The following SPICE1 variants were observed in gnomAD, a reference collection of about 807,000 sequenced individuals.
SPICE1 encodes spindle and centriole-associated protein 1.
Under a neutral mutation model 102.7 loss-of-function variants are expected in SPICE1, and 75 were observed. The ratio of observed to expected loss-of-function variants is 0.73; its 90% CI spans 0.61 to 0.88. The LOEUF is 0.88. Ranked by LOEUF, SPICE1 falls within the 40% of genes least tolerant of loss-of-function variation. SPICE1 has a pLI of 0.00. For missense variants in SPICE1, 979 were observed against 1,020.1 expected (o/e 0.96, Z 0.55); for synonymous variants, 308 against 350.3 (o/e 0.88, Z 1.35).
In SPICE1 at chr3:113,514,964, G is replaced by T; in HGVS notation, c.-68C>A. The stretch of plus-strand genomic sequence containing the variant: ...TAAGGATTCCCCAACCGGGCGCCTG[G>T]ATCCCAGGCAACAGACAGATGCCAC... On this transcript the variant is annotated 5_prime_UTR_variant, in exon 1 of 18. Coordinates refer to ENST00000295872, the MANE Select transcript of SPICE1 (RefSeq NM_144718.4). 2.6e-6 allele frequency: 2 copies of T among 777,898 alleles called. No homozygotes were observed. Among genetic ancestry groups the T allele is most frequent in the Non-Finnish European group, 3.5e-6 (2 of 574,910 alleles). 48.2% of individuals were successfully genotyped at this position (777,898 alleles called of 1,614,324 possible).
rs1935797553 is a variant in SPICE1 at position 113,457,192 on chromosome 3, A to C, written c.1601T>G (p.Val534Gly). Residue 534 changes from valine (V) to glycine (G), a missense_variant, in exon 13 of 18, where the codon GTG becomes GGG. Coordinates refer to ENST00000295872, the MANE Select transcript of SPICE1 (RefSeq NM_144718.4). ...NFPAHIFEPA[V>G]LLTPPRQKSN... ...CTTCTGCCTGGGTGGTGTTAACAACACAGCTGGCTCAAAAATATGTGCTGG... is the reference window on the plus strand; with the variant it reads ...CTTCTGCCTGGGTGGTGTTAACAACCCAGCTGGCTCAAAAATATGTGCTGG... 2 of 1,614,228 alleles carry C rather than the reference A, an allele frequency of 1.2e-6. No individual in the cohort carries two copies. Among genetic ancestry groups the C allele is most frequent in the East Asian group, 4.5e-5 (2 of 44,882 alleles).
At chr3:113,486,209 T>TTATATATATATATATATATATA (rs2107487599) in intron 7 of SPICE1, among the ~76,000 whole-genome samples, 1 of 117,312 alleles carries the variant, frequency 8.5e-6, no homozygotes, top group East Asian at 2.4e-4. Context: ...TTGACCATTC[T>TTATATATATATATATATATATA]CATATATATA....
intron 8 of SPICE1, 49 bp downstream of exon 8, chr3:113,469,050 T>C (rs750735312): frequency 6.3e-7 from 1 of 1,591,164 alleles, no homozygotes; most frequent in Non-Finnish European, 8.6e-7. Flanking sequence ...CATTCAAGAA[T>C]GAACCTAATA....
chr3:113,478,628 G>A (rs1475800544), intron 7 of SPICE1, among the ~76,000 whole-genome samples: 4 of 152,030 alleles, frequency 2.6e-5, no homozygotes, highest in African/African-American at 4.8e-5. Flanking sequence ...TAAACAAAAT[G>A]CAAAGAGAAA....
chr3:113,489,171 C>A lies in SPICE1; in HGVS notation c.493-108G>T, dbSNP rs1936712255. 6.2e-6 allele frequency: 4 copies of A among 646,988 alleles called. No homozygotes were observed. The East Asian group carries it at 1.1e-4, about 18-fold the overall frequency. 40.1% of individuals were successfully genotyped at this position (646,988 alleles called of 1,614,324 possible). A position where few individuals can be genotyped will look rare whatever the true frequency, so the allele number is the denominator to read the frequency against. On this transcript the variant is annotated intron_variant, in intron 6 of 17. Coordinates refer to ENST00000295872, the MANE Select transcript of SPICE1 (RefSeq NM_144718.4). Reference sequence around the variant, plus strand: ...AGAGAGTTCCCTCCTCCTAAGCCCTCCACATGTTGTAGAACACAAATCTTC... The same window carrying A: ...AGAGAGTTCCCTCCTCCTAAGCCCTACACATGTTGTAGAACACAAATCTTC...
chr3:113,458,958 C>T lies in SPICE1; in HGVS notation c.1436-1601G>A, dbSNP rs1200999939. On this transcript the variant is annotated intron_variant, in intron 12 of 17. Coordinates refer to ENST00000295872, the MANE Select transcript of SPICE1 (RefSeq NM_144718.4). ...TGAGAACGGGCCATGATGACGATGG[C>T]GGTTTTGTCGAATAGAAAAGGGGGA... is the stretch of plus-strand genomic sequence containing the variant. Among the ~76,000 whole-genome samples the T allele has an allele frequency of 1.2e-3, 176 of 152,082 alleles. 3 individuals are homozygous for T. Among genetic ancestry groups the T allele is most frequent in the South Asian group, 5.8e-3 (28 of 4,806 alleles).
chr3:113,511,341 CAA>C (rs1448981801), intron 1 of SPICE1, among the ~76,000 whole-genome samples: 2 of 152,052 alleles, frequency 1.3e-5, no homozygotes, highest in Admixed American at 6.6e-5. Flanking sequence ...TTCACAATAG[CAA>C]AGAGATGGAA....
chr3:113,452,892 C>A (rs941793804), intron 14 of SPICE1, among the ~76,000 whole-genome samples: 1 of 152,104 alleles, frequency 6.6e-6, no homozygotes, highest in South Asian at 2.1e-4. Context: ...GCAGGAGAAT[C>A]ACTTGAACCC....
chr3:113,467,393 G>A (rs1936085368), intron 10 of SPICE1, among the ~76,000 whole-genome samples: 1 of 152,202 alleles, frequency 6.6e-6, no homozygotes, highest in Non-Finnish European at 1.5e-5. Flanking sequence ...CCTGGTGAAA[G>A]TAATTCTCCT....
chr3:113,486,350 T>C (rs1225299181), intron 7 of SPICE1, among the ~76,000 whole-genome samples: 1 of 148,916 alleles, frequency 6.7e-6, no homozygotes, highest in Non-Finnish European at 1.5e-5. Flanking sequence ...ATAACTAAGA[T>C]CAAAGCAGAA....
intron 3 of SPICE1, among the ~76,000 whole-genome samples, chr3:113,502,665 A>T (rs1937032055): frequency 2.0e-5 from 2 of 101,528 alleles, no homozygotes; most frequent in Non-Finnish European, 4.7e-5. Flanking sequence ...TAAATCTTAA[A>T]AAAAAAAAAA....
At chr3:113,457,046 A>G (rs1373635369) in intron 13 of SPICE1, 90 bp downstream of exon 13, 1 of 1,310,614 alleles carries the variant, frequency 7.6e-7, no homozygotes, top group Non-Finnish European at 1.0e-6. Context: ...GTCTTTTTCA[A>G]TTCTGTTTTT....
At position 113,447,910 on chromosome 3, in the gene SPICE1, C is replaced by G. The variant is rs546337316; in HGVS notation, c.2426+128G>C. 7 of 734,786 alleles carry G rather than the reference C, an allele frequency of 9.5e-6. No homozygotes were observed. The East Asian group carries it at 1.8e-4, about 19-fold the overall frequency. The allele number at this position is 734,786 out of a possible 1,614,324, so 45.5% of individuals were successfully genotyped here. On this transcript the variant is annotated intron_variant, in intron 16 of 17. Transcript: ENST00000295872. Reference sequence around the variant, plus strand: ...AATTCTCTTTTCCAATTATTTTACTCTCTTTGCATGAGTCTGTCTCAACCT... The same window carrying G: ...AATTCTCTTTTCCAATTATTTTACTGTCTTTGCATGAGTCTGTCTCAACCT...
chr3:113,458,672 C>T (rs541165483), intron 12 of SPICE1, among the ~76,000 whole-genome samples: 11 of 151,858 alleles, frequency 7.2e-5, no homozygotes, highest in East Asian at 3.9e-4. Context: ...CCTGGCCGCC[C>T]GTCGTCTGGG....
chr3:113,503,344 T>G, intron 2 of SPICE1, 117 bp from the exon 3 acceptor site: 1 of 957,754 alleles, frequency 1.0e-6, no homozygotes, highest in East Asian at 2.8e-5. Flanking sequence ...AAAAATTCTT[T>G]CTTTCTAGGA....
chr3:113,503,132 C>A (rs746965759), intron 3 of SPICE1, 48 bp downstream of exon 3: 22 of 1,572,804 alleles, frequency 1.4e-5, no homozygotes, highest in Non-Finnish European at 1.8e-5. Flanking sequence ...AAGTCAAATA[C>A]CAAATAAAAC....
At chr3:113,504,199 C>A (rs985102269) in intron 2 of SPICE1, among the ~76,000 whole-genome samples, 4 of 152,160 alleles carry the variant, frequency 2.6e-5, no homozygotes, top group Admixed American at 6.5e-5. Flanking sequence ...ACACAGGCTG[C>A]ACAGCTCTAA....
chr3:113,449,439 A>G (rs968095254), intron 15 of SPICE1: 2 of 152,234 alleles, frequency 1.3e-5, no homozygotes, highest in Admixed American at 1.3e-4. Flanking sequence ...AGTAGACAAA[A>G]CTGTCATTTG....
At chr3:113,489,768 G>A (rs1388080119) in intron 6 of SPICE1, among the ~76,000 whole-genome samples, 1 of 147,676 alleles carries the variant, frequency 6.8e-6, no homozygotes, top group African/African-American at 2.5e-5. Flanking sequence ...AATAACCTGA[G>A]CCCAGGAAGG....
Sources: gnomAD v4.1 joint callset for allele counts (sites outside exome capture counted in the v4.1 genomes callset) on GRCh38, gnomAD v4.1.1 for gene constraint, MANE v1.5 for transcripts, NCBI Gene and HGNC (gene_info 2026-07-23, HGNC 2026-07-21) for gene names.